ANKFN1: variants seen among roughly 807,000 people sequenced by gnomAD.
ANKFN1 encodes ankyrin repeat and fibronectin type-III domain-containing protein 1.
ANKFN1 carries 74 observed loss-of-function variants against 108.7 expected under a neutral mutation model. The observed-to-expected ratio is 0.68, with a 90% CI of 0.56 to 0.83. ANKFN1 has a LOEUF of 0.83. Among genes scored for constraint, ANKFN1 ranks in the 40% least tolerant of loss-of-function variants. ANKFN1 has a pLI of 0.00. For missense variants in ANKFN1, 1,505 were observed against 1,382.3 expected, an observed-to-expected ratio of 1.09 and a Z score of -1.41; for synonymous variants, 547 against 516.2, an observed-to-expected ratio of 1.06 and a Z score of -0.81.
chr17:56,443,489 C>A (rs1224587151), intron 10 of ANKFN1, among the ~76,000 whole-genome samples: 1 of 152,130 alleles, frequency 6.6e-6, no homozygotes, highest in Non-Finnish European at 1.5e-5. Flanking sequence ...AGTGGCGGCC[C>A]AGAGTACATA....
chr17:56,301,168 T>C (rs560409503), intron 3 of ANKFN1, among the ~76,000 whole-genome samples: 10 of 152,288 alleles, frequency 6.6e-5, no homozygotes, highest in Admixed American at 5.9e-4. Flanking sequence ...GGCAGAAATG[T>C]CCCATGTATT....
At chr17:56,277,941 C>T (rs551088548) in intron 3 of ANKFN1, among the ~76,000 whole-genome samples, 41 of 152,118 alleles carry the variant, frequency 2.7e-4, no homozygotes, top group Non-Finnish European at 4.9e-4. Context: ...TATGACTCTA[C>T]GAATAAGATC....
intron 4 of ANKFN1, among the ~76,000 whole-genome samples, chr17:56,077,055 A>G (rs988571236): frequency 1.3e-5 from 2 of 152,222 alleles, no homozygotes; most frequent in Non-Finnish European, 1.5e-5. Context: ...GAGTAGGAGT[A>G]ACAGCAACAC....
Position 56,510,903 on chromosome 17 carries a change from G to A in ANKFN1, c.3075G>A (p.Gln1025=). The part of the protein sequence containing the change: ...HRWLRIHSET[Q]SLSLSEGIYT... ...GGTTGCGCATCCACAGCGAGACCCA[G>A]TCGCTATCGCTCTCTGAGGGCATTT... The change falls in exon 21 of 21, where the codon CAG becomes CAA. Residue 1025 remains glutamine (Q), a synonymous_variant. Transcript: ENST00000682825. The A allele has an allele frequency of 6.5e-7, 1 of 1,536,164 alleles. No individual in the cohort carries two copies. The highest frequency in any genetic ancestry group is 8.7e-7 in the Non-Finnish European group (1 of 1,146,910).
chr17:56,447,551 A>G (rs1424928821), intron 10 of ANKFN1, among the ~76,000 whole-genome samples: 1 of 152,222 alleles, frequency 6.6e-6, no homozygotes, highest in Non-Finnish European at 1.5e-5. Context: ...TGGTTATATC[A>G]GCCCTGGTAT....
chr17:56,056,349 A>G (rs1280616627), intron 4 of ANKFN1, among the ~76,000 whole-genome samples: 1 of 145,518 alleles, frequency 6.9e-6, no homozygotes, highest in Non-Finnish European at 1.5e-5. Flanking sequence ...ACCAAAAAAG[A>G]CCCTGAATAG....
chr17:56,101,758 C>T (rs1303566606), intron 4 of ANKFN1, among the ~76,000 whole-genome samples: 23 of 152,316 alleles, frequency 1.5e-4, no homozygotes, highest in Admixed American at 2.0e-4. Flanking sequence ...AAAAATAAAA[C>T]TGATCATTCA....
At chr17:56,368,556 A>G (rs1289985101) in intron 6 of ANKFN1, among the ~76,000 whole-genome samples, 2 of 151,858 alleles carry the variant, frequency 1.3e-5, no homozygotes, top group Non-Finnish European at 2.9e-5. Context: ...TTGGGATTAC[A>G]GGTGTGAGCC....
intron 4 of ANKFN1, among the ~76,000 whole-genome samples, chr17:56,092,421 C>T (rs931334055): frequency 2.0e-5 from 3 of 150,162 alleles, no homozygotes; most frequent in Middle Eastern, 3.2e-3. Context: ...ACTACAGGCA[C>T]CCCCCACCAC....
intron 10 of ANKFN1, among the ~76,000 whole-genome samples, chr17:56,443,565 A>C (rs183057976): frequency 5.6e-4 from 85 of 152,288 alleles, no homozygotes; most frequent in African/African-American, 1.9e-3. Context: ...CGACCTGATA[A>C]GAAAATGAAA....
intron 1 of ANKFN1, among the ~76,000 whole-genome samples, chr17:56,154,800 G>T (rs1480467482): frequency 2.0e-5 from 3 of 152,194 alleles, no homozygotes; most frequent in Non-Finnish European, 4.4e-5. Context: ...TTGTAGAATT[G>T]AATTGAATGA....
At chr17:56,093,380 G>A (rs141405358) in intron 4 of ANKFN1, among the ~76,000 whole-genome samples, 1,918 of 151,250 alleles carry the variant, frequency 0.013, 100 homozygotes, top group African/African-American at 0.044. Flanking sequence ...CCCTTCTGCC[G>A]TAGTGCTTGT....
At chr17:56,313,496 G>C (rs2045105533) in intron 3 of ANKFN1, among the ~76,000 whole-genome samples, 2 of 152,166 alleles carry the variant, frequency 1.3e-5, no homozygotes, top group African/African-American at 4.8e-5. Context: ...AAGACACTGT[G>C]TGAGCTAGTA....
At chr17:56,112,717 A>G (rs891417443) in intron 4 of ANKFN1, among the ~76,000 whole-genome samples, 3 of 152,232 alleles carry the variant, frequency 2.0e-5, no homozygotes, top group Admixed American at 6.5e-5. Context: ...ACTTAAGAAT[A>G]TGTCGTGGAG....
At chr17:56,184,007 T>A (rs1243564224) in intron 1 of ANKFN1, among the ~76,000 whole-genome samples, 1 of 152,210 alleles carries the variant, frequency 6.6e-6, no homozygotes, top group African/African-American at 2.4e-5. Flanking sequence ...TGCCATGGGA[T>A]CCACTCTTTG....
intron 4 of ANKFN1, 67 bp from the exon 5 acceptor site, chr17:56,350,699 A>T (rs2046223215): frequency 6.9e-7 from 1 of 1,442,468 alleles, no homozygotes; most frequent in Non-Finnish European, 9.7e-7. Flanking sequence ...ACTGGAGATG[A>T]TAAAATCATA....
At chr17:56,188,579 G>GTGTGTATATA (rs1912516920) in intron 1 of ANKFN1, among the ~76,000 whole-genome samples, 1 of 71,430 alleles carries the variant, frequency 1.4e-5, no homozygotes, top group African/African-American at 7.5e-5. Context: ...GTGTGTGTGT[G>GTGTGTATATA]TGTATATATA....
intron 8 of ANKFN1, among the ~76,000 whole-genome samples, chr17:56,414,936 C>G (rs571814178): frequency 8.3e-4 from 126 of 152,162 alleles, no homozygotes; most frequent in African/African-American, 3.0e-3. Flanking sequence ...GGGAGGATCA[C>G]TTGCACTTGG....
intron 2 of ANKFN1, among the ~76,000 whole-genome samples, chr17:56,217,852 G>A (rs1317453379): frequency 1.3e-5 from 2 of 152,104 alleles, no homozygotes; most frequent in African/African-American, 2.4e-5. Context: ...TGATGTCTGT[G>A]TTCCCTGAAG....
Sources: gnomAD v4.1 joint callset for allele counts (sites outside exome capture counted in the v4.1 genomes callset) on GRCh38, gnomAD v4.1.1 for gene constraint, MANE v1.5 for transcripts, NCBI Gene and HGNC (gene_info 2026-07-23, HGNC 2026-07-21) for gene names.